The following ULK1 variants were observed in gnomAD, a reference collection of about 807,000 sequenced individuals.
The protein encoded by ULK1 is unc-51 like autophagy activating kinase 1.
Under a neutral mutation model 117.5 loss-of-function variants are expected in ULK1, and 48 were observed. The observed-to-expected ratio is 0.41, with a 90% CI of 0.32 to 0.52. The LOEUF is 0.52. Ranked by LOEUF, ULK1 falls within the 20% of genes least tolerant of loss-of-function variation. The pLI, the probability that ULK1 is intolerant of heterozygous loss-of-function variation, is 0.29. For missense variants in ULK1, 1,387 were observed against 1,473.4 expected (o/e 0.94, Z 0.96); for synonymous variants, 790 against 637.8 (o/e 1.24, Z -3.60).
rs116459363 is a variant in ULK1, at chr12:131,916,238, C to T, written c.1878+79C>T. The T allele has an allele frequency of 1.6e-3, 2,439 of 1,554,350 alleles. 30 individuals are homozygous for T. In the African/African-American group the frequency reaches 0.027, roughly 17 times the overall value. On this transcript the variant is annotated intron_variant, in intron 19 of 27. Coordinates refer to ENST00000321867, the MANE Select transcript of ULK1 (RefSeq NM_003565.4). ...GGAATGGCCAGTCCTGAACAAAGAC[C>T]GAGGAAGGCAGCTCTGTACCTTTTG...
intron 3 of ULK1, among the ~76,000 whole-genome samples, chr12:131,905,718 G>A (rs757938042): frequency 1.5e-4 from 23 of 152,196 alleles, no homozygotes; most frequent in Admixed American, 8.5e-4. Context: ...TGAAACGGGG[G>A]TGATGAGGAC....
At position 131,921,380 on chromosome 12, in the gene ULK1, G is replaced by T; in HGVS notation, c.*19G>T. The T allele has an allele frequency of 1.9e-6, 3 of 1,601,390 alleles. No individual in the cohort carries two copies. The highest frequency in any genetic ancestry group is 2.5e-6 in the Non-Finnish European group (3 of 1,179,858). ...TGCCTGACCTTTCTGGCCTGGCTGGGCCCCCCGTCCTGCCGAGCCCTGCAG... is the reference window on the plus strand; with the variant it reads ...TGCCTGACCTTTCTGGCCTGGCTGGTCCCCCCGTCCTGCCGAGCCCTGCAG... On this transcript the variant is annotated 3_prime_UTR_variant, in exon 28 of 28. Transcript: ENST00000321867.
chr12:131,921,980 C>T lies in ULK1; in HGVS notation c.*619C>T, dbSNP rs556184682. On this transcript the variant is annotated 3_prime_UTR_variant, in exon 28 of 28. Coordinates refer to ENST00000321867, the MANE Select transcript of ULK1 (RefSeq NM_003565.4). ...GCCCGAGCACCGGACCACGTTGCTG[C>T]CCAGGTCTGGACCTCAGCGGGAGAA... 2.2e-6 allele frequency: 1 copy of T among 456,176 alleles called. No individual in the cohort carries two copies. The highest frequency in any genetic ancestry group is 1.5e-5 in the South Asian group (1 of 64,560). 28.3% of individuals were successfully genotyped at this position (456,176 alleles called of 1,614,324 possible).
intron 12 of ULK1, 51 bp downstream of exon 12, chr12:131,910,851 A>G: frequency 1.9e-6 from 3 of 1,607,428 alleles, no homozygotes; most frequent in Non-Finnish European, 8.5e-7. Context: ...CTCAGCAGTC[A>G]GGGGCTCCAG....
Position 131,921,352 on chromosome 12 carries a change from C to T in ULK1, c.3144C>T (p.Ile1048=), listed in dbSNP as rs746233778. The change falls in exon 28 of 28, where the codon ATC becomes ATT. Residue 1048 remains isoleucine (I), a synonymous_variant. Transcript: ENST00000321867. ...ERRLSALLTG[I]CA ...GACTCTCGGCGCTGCTGACTGGCAT[C>T]TGTGCCTGACCTTTCTGGCCTGGCT... is the stretch of plus-strand genomic sequence containing the variant. The T allele has an allele frequency of 2.5e-6, 4 of 1,604,278 alleles. No homozygotes were observed. Among genetic ancestry groups the T allele is most frequent in the Middle Eastern group, 1.7e-4 (1 of 6,058 alleles).
chr12:131,916,206 A>T (rs1442234995), intron 19 of ULK1, 47 bp downstream of exon 19: 7 of 1,586,520 alleles, frequency 4.4e-6, no homozygotes, highest in Non-Finnish European at 5.1e-6. Context: ...CCTGGGGAAG[A>T]TGTGTGGGAA....
At chr12:131,919,173 C>G in intron 23 of ULK1, 39 bp from the exon 24 acceptor site, 1 of 1,560,812 alleles carries the variant, frequency 6.4e-7, no homozygotes, top group Non-Finnish European at 8.6e-7. Context: ...CCTTCCAAGC[C>G]CGGGCAGCAC....
intron 11 of ULK1, 27 bp downstream of exon 11, chr12:131,910,331 C>T (rs376282574): frequency 9.9e-6 from 16 of 1,613,214 alleles, no homozygotes; most frequent in African/African-American, 4.0e-5. Flanking sequence ...CCTGGGGCTC[C>T]GCATGGGCCC....
chr12:131,921,022 T>C, intron 26 of ULK1, 78 bp from the exon 27 acceptor site: 2 of 1,480,488 alleles, frequency 1.4e-6, no homozygotes, highest in South Asian at 2.6e-5. Flanking sequence ...CCTGGGCCGC[T>C]GCCGTGGGTG....
At chr12:131,913,070 G>A (rs1889611749) in intron 13 of ULK1, 128 bp from the exon 14 acceptor site, 5 of 836,616 alleles carry the variant, frequency 6.0e-6, no homozygotes, top group Non-Finnish European at 8.6e-6. Flanking sequence ...CCCCCGCAAG[G>A]CCGCTGTACG....
rs1231176159 is a variant in ULK1, at chr12:131,901,039, C to CTT, written c.246+5229_246+5230dup. On this transcript the variant is annotated intron_variant, in intron 3 of 27. Coordinates refer to ENST00000321867, the MANE Select transcript of ULK1 (RefSeq NM_003565.4). ...GAATTACCTCCGAAGTTGTGTATAT[C>CTT]TTTTTTTTTTTTTTTAACTTTGAAA... 4.2e-4 allele frequency among the ~76,000 whole-genome samples: 61 copies of CTT among 143,778 alleles called. 1 individual carries two copies. The highest frequency in any genetic ancestry group is 1.4e-3 in the African/African-American group (57 of 39,334). 94.3% of individuals were successfully genotyped at this position (143,778 alleles called of 152,430 possible).
chr12:131,917,825 A>T (rs1413808229), intron 22 of ULK1, among the ~76,000 whole-genome samples: 2 of 152,196 alleles, frequency 1.3e-5, no homozygotes, highest in African/African-American at 4.8e-5. Flanking sequence ...ACATGAGGTG[A>T]GCAGGGACGG....
At chr12:131,904,744 G>A (rs1179891480) in intron 3 of ULK1, among the ~76,000 whole-genome samples, 3 of 152,144 alleles carry the variant, frequency 2.0e-5, no homozygotes, top group East Asian at 1.9e-4. Flanking sequence ...TCCAGGGCAG[G>A]TGGCCCCCAG....
chr12:131,908,194 C>T (rs1352504079), intron 5 of ULK1, among the ~76,000 whole-genome samples: 1 of 152,154 alleles, frequency 6.6e-6, no homozygotes, highest in East Asian at 1.9e-4. Flanking sequence ...CCGCTGGCCC[C>T]CTCGCCTCGC....
rs1392794952 is a variant in ULK1 at position 131,918,881 on chromosome 12, T to TGTGTGGGGTGTCGGGTGTGTGGG, written c.2511+211_2511+212insCGGGTGTGTGGGGTGTGGGGTGT. 9.7e-4 allele frequency among the ~76,000 whole-genome samples: 10 copies of TGTGTGGGGTGTCGGGTGTGTGGG among 10,342 alleles called. 3 individuals are homozygous for TGTGTGGGGTGTCGGGTGTGTGGG. Among genetic ancestry groups the TGTGTGGGGTGTCGGGTGTGTGGG allele is most frequent in the African/African-American group, 2.8e-3 (9 of 3,196 alleles). The allele number at this position is 10,342 out of a possible 152,430, so 6.8% of individuals were successfully genotyped here. Reference sequence around the variant, plus strand: ...GGTGTCGGGTGTGTGGGGTGTCGGGTGTGTGGGGTGTAGGGTGTGGGGTGT... The same window carrying TGTGTGGGGTGTCGGGTGTGTGGG: ...GGTGTCGGGTGTGTGGGGTGTCGGGTGTGTGGGGTGTCGGGTGTGTGGGGTGTGGGGTGTAGGGTGTGGGGTGT... On this transcript the variant is annotated intron_variant, in intron 23 of 27. Transcript: ENST00000321867.
rs1020769592 is a variant in ULK1, at chr12:131,918,583, C to T, written c.2413C>T (p.Pro805Ser). 6.2e-7 allele frequency: 1 copy of T among 1,610,936 alleles called. No homozygotes were observed. The highest frequency in any genetic ancestry group is 8.5e-7 in the Non-Finnish European group (1 of 1,179,016). Residue 805 changes from proline to serine, a missense_variant, in exon 23 of 28, where the codon CCA (proline) becomes TCA (serine). By Grantham distance (74) the Pro-to-Ser change is moderately conservative (BLOSUM62 -1). Transcript: ENST00000321867. The stretch of plus-strand genomic sequence containing the variant: ...GGCCCCAGCCCCTGAGCTCCCTGCT[C>T]CAGGACACGGCTGCAGCTTTGCCGA... ...SEAPAPELPAPGHGCSFADPI... is the reference protein window; with the variant it reads ...SEAPAPELPASGHGCSFADPI...
chr12:131,916,330 TC>T (rs781345229), intron 19 of ULK1, 67 bp from the exon 20 acceptor site: 346 of 1,521,820 alleles, frequency 2.3e-4, no homozygotes, highest in Non-Finnish European at 2.9e-4. Flanking sequence ...CTCGGCCCCT[TC>T]CCCAGGCACC....
intron 25 of ULK1, 139 bp from the exon 26 acceptor site, chr12:131,919,840 C>A (rs1034006559): frequency 2.3e-6 from 3 of 1,326,296 alleles, no homozygotes; most frequent in Non-Finnish European, 3.1e-6. Context: ...AGCCTGGCCA[C>A]ACCCTCAAGG....
At position 131,919,573 on chromosome 12, in the gene ULK1, C is replaced by T. The variant is rs749258626; in HGVS notation, c.2786C>T (p.Ser929Leu). The T allele has an allele frequency of 9.9e-6, 16 of 1,611,962 alleles. No individual in the cohort carries two copies. Among genetic ancestry groups the T allele is most frequent in the Non-Finnish European group, 1.3e-5 (15 of 1,179,614 alleles). Residue 929 changes from serine to leucine, a missense_variant, in exon 25 of 28, where the codon TCG becomes TTG. Ser to Leu is a moderately radical substitution (Grantham distance 145, BLOSUM62 -2). Coordinates refer to ENST00000321867, the MANE Select transcript of ULK1 (RefSeq NM_003565.4). ...ATCCGGGCCGGCAAGCTCTGCCTGT[C>T]GTCCACTGTGAAGCAGGGTGAGGGC... ...DQIRAGKLCL[S>L]STVKQVVRRL... is the part of the protein sequence containing the mutation.
Sources: allele counts gnomAD v4.1 joint callset (sites outside exome capture counted in the v4.1 genomes callset), GRCh38; gene constraint gnomAD v4.1.1; transcripts MANE v1.5; gene names NCBI Gene and HGNC (gene_info 2026-07-23, HGNC 2026-07-21).